Variants in NAALADL2 observed in about 807,000 individuals in gnomAD.
NAALADL2 encodes the protein N-acetylated alpha-linked acidic dipeptidase like 2.
A neutral mutation model predicts 87.2 loss-of-function variants in NAALADL2; 76 were observed. The observed-to-expected ratio is 0.87, with a 90% CI of 0.72 to 1.05. The LOEUF is 1.05. Ranked by LOEUF, NAALADL2 falls within the 50% of genes least tolerant of loss-of-function variation. NAALADL2 has a pLI of 0.00. For synonymous variants in NAALADL2, 354 were observed against 331.0 expected (o/e 1.07, Z -0.75); for missense variants, 1,089 against 945.8 (o/e 1.15, Z -1.99).
chr3:174,578,205 G>T (rs1715759994), intron 2 of NAALADL2, among the ~76,000 whole-genome samples: 2 of 151,902 alleles, frequency 1.3e-5, no homozygotes, highest in African/African-American at 4.8e-5. Context: ...TAATGGAGCA[G>T]AAAATAATTT....
intron 5 of NAALADL2, among the ~76,000 whole-genome samples, chr3:175,422,823 C>T (rs1715935050): frequency 6.6e-6 from 1 of 151,692 alleles, no homozygotes; most frequent in Middle Eastern, 3.4e-3. Context: ...TTCGGTTGGC[C>T]ACCTGTTTTT....
chr3:175,330,530 A>G (rs2110491280), intron 5 of NAALADL2, among the ~76,000 whole-genome samples: 1 of 152,322 alleles, frequency 6.6e-6, no homozygotes, highest in South Asian at 2.1e-4. Flanking sequence ...GAATTTTGGA[A>G]GCTATAAAAA....
intron 12 of NAALADL2, among the ~76,000 whole-genome samples, chr3:175,745,465 A>G (rs1745793754): frequency 6.6e-6 from 1 of 152,316 alleles, no homozygotes; most frequent in East Asian, 1.9e-4. Context: ...CAAGTTCTTC[A>G]TATAAAATTA....
intron 11 of NAALADL2, among the ~76,000 whole-genome samples, chr3:175,663,515 G>C (rs1458042345): frequency 6.8e-6 from 1 of 147,030 alleles, no homozygotes; most frequent in Non-Finnish European, 1.5e-5. Context: ...TTATGTTTTG[G>C]TAATCTTTTC....
At chr3:175,714,094 T>A (rs990786269) in intron 11 of NAALADL2, among the ~76,000 whole-genome samples, 2 of 152,218 alleles carry the variant, frequency 1.3e-5, no homozygotes, top group Non-Finnish European at 2.9e-5. Flanking sequence ...TATTCCATGG[T>A]GTATATGTGC....
rs1451789329 is a variant in NAALADL2 at position 175,786,281 on chromosome 3, T to C, written c.2190-16724T>C. Among the ~76,000 whole-genome samples the C allele has an allele frequency of 6.9e-4, 105 of 152,286 alleles. 1 individual carries two copies. The highest frequency in any genetic ancestry group is 2.1e-3 in the South Asian group (10 of 4,828). On this transcript the variant is annotated intron_variant, in intron 13 of 13. Transcript: ENST00000454872. The stretch of plus-strand genomic sequence containing the variant: ...AGATTGGGGAAGTTCTCCTGGATAA[T>C]ATCCTGCAAAGTGTTTTCCAACTTG...
intron 3 of NAALADL2, among the ~76,000 whole-genome samples, chr3:174,759,497 T>A (rs1712608767): frequency 6.6e-6 from 1 of 152,240 alleles, no homozygotes; most frequent in Non-Finnish European, 1.5e-5. Flanking sequence ...TTTTGTTAGC[T>A]CTTGCAAAAG....
intron 9 of NAALADL2, among the ~76,000 whole-genome samples, chr3:175,563,253 G>T (rs1345208482): frequency 6.6e-6 from 1 of 152,058 alleles, no homozygotes; most frequent in East Asian, 1.9e-4. Context: ...TGCAGTCATG[G>T]CTTTGATTGC....
intron 11 of NAALADL2, among the ~76,000 whole-genome samples, chr3:175,652,723 C>A (rs1450825402): frequency 6.6e-6 from 1 of 152,030 alleles, no homozygotes; most frequent in Non-Finnish European, 1.5e-5. Flanking sequence ...CGTGATCCGC[C>A]CGCCTCGGCC....
intron 2 of NAALADL2, among the ~76,000 whole-genome samples, chr3:174,629,016 A>G (rs185782746): frequency 1.3e-5 from 2 of 152,338 alleles, no homozygotes; most frequent in Admixed American, 1.3e-4. Context: ...TTGTTGTTAA[A>G]CTTGTGTTTA....
At chr3:175,181,198 A>G (rs955426754) in intron 2 of NAALADL2, among the ~76,000 whole-genome samples, 4 of 152,100 alleles carry the variant, frequency 2.6e-5, no homozygotes, top group African/African-American at 9.7e-5. Context: ...GTTTTCCCAC[A>G]CAGTGTAGTA....
intron 9 of NAALADL2, among the ~76,000 whole-genome samples, chr3:175,492,397 G>A (rs1169464397): frequency 6.6e-6 from 1 of 152,086 alleles, no homozygotes; most frequent in Non-Finnish European, 1.5e-5. Context: ...TTTTATCATT[G>A]TCCTTAAAGT....
intron 1 of NAALADL2, among the ~76,000 whole-genome samples, chr3:174,473,820 A>G (rs576638081): frequency 6.6e-6 from 1 of 152,302 alleles, no homozygotes; most frequent in South Asian, 2.1e-4. Flanking sequence ...AGGCTGTATT[A>G]GTCCATTCTT....
chr3:175,009,203 A>T (rs1749456719), intron 1 of NAALADL2, among the ~76,000 whole-genome samples: 1 of 152,156 alleles, frequency 6.6e-6, no homozygotes, highest in African/African-American at 2.4e-5. Context: ...TTCTCAGATG[A>T]TGCTAATGCT....
At chr3:175,571,403 A>G (rs1718061094) in intron 9 of NAALADL2, among the ~76,000 whole-genome samples, 6 of 152,328 alleles carry the variant, frequency 3.9e-5, no homozygotes, top group Middle Eastern at 3.4e-3. Context: ...AATTCTTAAC[A>G]TGAATTTACT....
At chr3:174,564,989 T>C (rs548758004) in intron 2 of NAALADL2, among the ~76,000 whole-genome samples, 1 of 152,196 alleles carries the variant, frequency 6.6e-6, no homozygotes, top group African/African-American at 2.4e-5. Flanking sequence ...TGAGCAGTTA[T>C]AGAGGGTATA....
At chr3:174,959,242 A>C (rs1301337802) in intron 1 of NAALADL2, among the ~76,000 whole-genome samples, 1 of 152,066 alleles carries the variant, frequency 6.6e-6, no homozygotes, top group Non-Finnish European at 1.5e-5. Context: ...AGCTGACATG[A>C]TGTTACTGGT....
chr3:175,267,244 C>T (rs1188503099), intron 4 of NAALADL2, among the ~76,000 whole-genome samples: 3 of 151,974 alleles, frequency 2.0e-5, no homozygotes, highest in Non-Finnish European at 2.9e-5. Flanking sequence ...TATTATGAAT[C>T]ACTAAATACG....
At chr3:175,384,411 G>A (rs911329883) in intron 5 of NAALADL2, among the ~76,000 whole-genome samples, 14 of 151,922 alleles carry the variant, frequency 9.2e-5, no homozygotes, top group African/African-American at 3.4e-4. Context: ...CACACAATTT[G>A]GAAAGATGCT....
Sources: allele counts gnomAD v4.1 joint callset (sites outside exome capture counted in the v4.1 genomes callset), GRCh38; gene constraint gnomAD v4.1.1; transcripts MANE v1.5; gene names NCBI Gene and HGNC (gene_info 2026-07-23, HGNC 2026-07-21).